Variants in TMEM108 observed in about 807,000 individuals in gnomAD.
TMEM108 encodes the protein transmembrane protein 108.
TMEM108 carries 12 observed loss-of-function variants against 35.1 expected under a neutral mutation model. The observed-to-expected ratio is 0.34, with a 90% CI of 0.22 to 0.55. TMEM108 has a LOEUF of 0.55. TMEM108 is among the 20% of genes least tolerant of loss of function. The pLI is 0.89. For synonymous variants in TMEM108, 287 were observed against 308.6 expected, an observed-to-expected ratio of 0.93 and a Z score of 0.73; for missense variants, 680 against 753.3, an observed-to-expected ratio of 0.90 and a Z score of 1.14.
At chr3:133,249,165 T>A (rs1286244116) in intron 3 of TMEM108, among the ~76,000 whole-genome samples, 1 of 152,218 alleles carries the variant, frequency 6.6e-6, no homozygotes, top group African/African-American at 2.4e-5. Context: ...TCAAGTCTGA[T>A]ACTCTAGTTG....
At chr3:133,155,865 C>T (rs2107772969) in intron 2 of TMEM108, among the ~76,000 whole-genome samples, 1 of 152,028 alleles carries the variant, frequency 6.6e-6, no homozygotes, top group East Asian at 1.9e-4. Context: ...TCCCATTTAT[C>T]AATTTTTGCT....
At chr3:133,144,722 A>C (rs1028382120) in intron 2 of TMEM108, among the ~76,000 whole-genome samples, 6 of 152,216 alleles carry the variant, frequency 3.9e-5, no homozygotes, top group Non-Finnish European at 8.8e-5. Flanking sequence ...ATGACCAGTG[A>C]TGATGAGCTT....
intron 3 of TMEM108, among the ~76,000 whole-genome samples, chr3:133,358,835 A>C (rs1170680933): frequency 6.6e-6 from 1 of 152,048 alleles, no homozygotes; most frequent in Non-Finnish European, 1.5e-5. Context: ...GTGGTGGCAG[A>C]TTAGTTGGGG....
At chr3:133,178,309 A>T (rs1271198246) in intron 2 of TMEM108, among the ~76,000 whole-genome samples, 1 of 150,384 alleles carries the variant, frequency 6.6e-6, no homozygotes, top group Admixed American at 6.6e-5. Context: ...ATTGGAAAAA[A>T]CTAAAGTTCA....
At chr3:133,114,913 T>TC (rs1944269207) in intron 2 of TMEM108, among the ~76,000 whole-genome samples, 1 of 152,110 alleles carries the variant, frequency 6.6e-6, no homozygotes. Flanking sequence ...TCCCTTTTTT[T>TC]CCCAAAGTGG....
chr3:133,388,044 G>A, intron 4 of TMEM108: 1 of 985,452 alleles, frequency 1.0e-6, no homozygotes, highest in Non-Finnish European at 1.2e-6. Flanking sequence ...ATGATGGGAT[G>A]TGCCCCTACA....
chr3:133,066,269 C>G (rs1336610874), intron 2 of TMEM108, among the ~76,000 whole-genome samples: 1 of 152,050 alleles, frequency 6.6e-6, no homozygotes, highest in Non-Finnish European at 1.5e-5. Context: ...TTGTGTGTGC[C>G]TGGTTGCACA....
At chr3:133,355,622 A>G (rs892635968) in intron 3 of TMEM108, among the ~76,000 whole-genome samples, 2 of 152,216 alleles carry the variant, frequency 1.3e-5, no homozygotes, top group Non-Finnish European at 2.9e-5. Flanking sequence ...AATGGTCTCC[A>G]TTCCATATTC....
intron 2 of TMEM108, among the ~76,000 whole-genome samples, chr3:133,103,030 A>G (rs778535973): frequency 2.0e-5 from 3 of 152,204 alleles, no homozygotes; most frequent in Non-Finnish European, 4.4e-5. Context: ...CAGTGTGGCA[A>G]TTCCTCATAC....
At chr3:133,130,714 C>G (rs1381128870) in intron 2 of TMEM108, among the ~76,000 whole-genome samples, 1 of 152,184 alleles carries the variant, frequency 6.6e-6, no homozygotes, top group East Asian at 1.9e-4. Flanking sequence ...AAAAGTTTCT[C>G]ACAATCTTGC....
rs1271723193 is a variant in TMEM108 at position 133,397,238 on chromosome 3, C to T, written c.*1252C>T. The T allele has an allele frequency of 6.6e-6, 1 of 152,196 alleles. No individual in the cohort carries two copies. Among genetic ancestry groups the T allele is most frequent in the Admixed American group, 6.5e-5 (1 of 15,282 alleles). The allele number at this position is 152,196 out of a possible 1,614,324, so 9.4% of individuals were successfully genotyped here. A position where few individuals can be genotyped will look rare whatever the true frequency, so the allele number is the denominator to read the frequency against. ...CTGAGAGAGATGATTACTGCTTTGA[C>T]ACTTCCTTTCTCTAAAAGAAAAATA... On this transcript the variant is annotated 3_prime_UTR_variant, in exon 6 of 6. Coordinates refer to ENST00000321871, the MANE Select transcript of TMEM108 (RefSeq NM_023943.4).
At chr3:133,134,189 A>G (rs1369877437) in intron 2 of TMEM108, among the ~76,000 whole-genome samples, 5 of 152,130 alleles carry the variant, frequency 3.3e-5, no homozygotes, top group African/African-American at 1.2e-4. Flanking sequence ...CTAATATTGC[A>G]TTGTAAGGGA....
At chr3:133,050,821 G>A (rs558043093) in intron 2 of TMEM108, among the ~76,000 whole-genome samples, 2 of 151,458 alleles carry the variant, frequency 1.3e-5, no homozygotes, top group South Asian at 4.2e-4. Context: ...TTTCCTCTAT[G>A]TCTTTCATGG....
chr3:133,184,357 C>T (rs1405398628), intron 2 of TMEM108, among the ~76,000 whole-genome samples: 2 of 152,114 alleles, frequency 1.3e-5, no homozygotes, highest in African/African-American at 2.4e-5. Context: ...TTTTTCTTTT[C>T]GTATTGGTTT....
intron 2 of TMEM108, among the ~76,000 whole-genome samples, chr3:133,168,215 T>C (rs1000258423): frequency 6.6e-6 from 1 of 152,160 alleles, no homozygotes; most frequent in Non-Finnish European, 1.5e-5. Context: ...ATTCAGTCAG[T>C]TGTGGGGGCA....
At chr3:133,378,804 T>C (rs1245865686) in intron 3 of TMEM108, among the ~76,000 whole-genome samples, 1 of 37,766 alleles carries the variant, frequency 2.6e-5, no homozygotes, top group South Asian at 7.3e-4. Flanking sequence ...TACAAAATCC[T>C]TTTTTTTTTT....
At chr3:133,378,435 CTG>C in intron 3 of TMEM108, 1 of 985,422 alleles carries the variant, frequency 1.0e-6, no homozygotes. Context: ...GAAAGACGCT[CTG>C]AGAGAGTAAT....
At chr3:133,090,534 C>T (rs12491248) in intron 2 of TMEM108, among the ~76,000 whole-genome samples, 13,672 of 152,238 alleles carry the variant, frequency 0.09, 690 homozygotes, top group East Asian at 0.12. Context: ...TAAGTCATTT[C>T]GCATTACTAT....
intron 2 of TMEM108, among the ~76,000 whole-genome samples, chr3:133,142,069 T>C (rs945660135): frequency 6.6e-6 from 1 of 152,154 alleles, no homozygotes; most frequent in Non-Finnish European, 1.5e-5. Context: ...CCCTTCCCCA[T>C]CATGACAACC....
Sources: gnomAD v4.1 joint callset for allele counts (sites outside exome capture counted in the v4.1 genomes callset) on GRCh38, gnomAD v4.1.1 for gene constraint, MANE v1.5 for transcripts, NCBI Gene and HGNC (gene_info 2026-07-23, HGNC 2026-07-21) for gene names.